SYNE2: variants seen among roughly 807,000 people sequenced by gnomAD.
The protein encoded by SYNE2 is spectrin repeat containing nuclear envelope protein 2.
SYNE2 carries 431 observed loss-of-function variants against 856.3 expected under a neutral mutation model. That is an observed-to-expected ratio of 0.50 (90% CI 0.47 to 0.55). The LOEUF (loss-of-function observed/expected upper bound fraction) is 0.55. SYNE2 is among the 20% of genes least tolerant of loss of function. The pLI is 0.00. For synonymous variants in SYNE2, 2,923 were observed against 2,872.3 expected, an observed-to-expected ratio of 1.02 and a Z score of -0.56; for missense variants, 8,129 against 8,023.2, an observed-to-expected ratio of 1.01 and a Z score of -0.50.
chr14:63,993,092 C>T (rs2096682134), intron 21 of SYNE2, among the ~76,000 whole-genome samples: 1 of 152,208 alleles, frequency 6.6e-6, no homozygotes, highest in Non-Finnish European at 1.5e-5. Flanking sequence ...CCTGTCAGGG[C>T]TGTTCCCATT....
chr14:64,033,309 G>T (rs1229975891), intron 45 of SYNE2, among the ~76,000 whole-genome samples: 1 of 152,190 alleles, frequency 6.6e-6, no homozygotes, highest in African/African-American at 2.4e-5. Context: ...TAACTTCCCA[G>T]ATCCATTTTG....
chr14:63,762,251 T>G (rs140467235), intron 1 of SYNE2: 4 of 202,086 alleles, frequency 2.0e-5, no homozygotes, highest in East Asian at 2.8e-4. Flanking sequence ...TTGACCAACA[T>G]GGAGAAACCC....
At position 64,094,870 on chromosome 14, in the gene SYNE2, A is replaced by C. The variant is rs140451585; in HGVS notation, c.12108+1390A>C. On this transcript the variant is annotated intron_variant, in intron 61 of 115. Transcript: ENST00000555002. ...AATAAACCCACTACATATTAATAGG[A>C]ATAACTATTTTTATTTTCTTTTTTT... 5.9e-5 allele frequency among the ~76,000 whole-genome samples: 9 copies of C among 152,320 alleles called. 1 individual carries two copies. Among genetic ancestry groups the C allele is most frequent in the Admixed American group, 5.9e-4 (9 of 15,304 alleles).
intron 106 of SYNE2, 145 bp from the exon 107 acceptor site, chr14:64,215,140 AT>A (rs2098660045): frequency 1.2e-6 from 1 of 800,364 alleles, no homozygotes; most frequent in African/African-American, 1.7e-5. Context: ...GGAAAAAAAA[AT>A]CTTTCTGGTT....
intron 76 of SYNE2, among the ~76,000 whole-genome samples, chr14:64,130,833 T>G (rs1232449928): frequency 2.0e-5 from 3 of 148,258 alleles, no homozygotes; most frequent in African/African-American, 7.5e-5. Context: ...TGCAGTAAGC[T>G]GAGATCACGC....
chr14:64,048,018 G>T lies in SYNE2; in HGVS notation c.7240G>T (p.Ala2414Ser), dbSNP rs2097198649. Residue 2414 changes from alanine to serine, a missense_variant, in exon 46 of 116, where the codon GCT becomes TCT. Coordinates refer to ENST00000555002, the MANE Select transcript of SYNE2 (RefSeq NM_182914.3). Reference protein sequence around the residue: ...EINKDSAVEMAMSKQLSLNAQ... With the variant: ...EINKDSAVEMSMSKQLSLNAQ... ...ATTTCAGGATTCAGCTGTGGAAATG[G>T]CTATGTCAAAACAACTTTCTCTTAA... 1 of 1,613,588 alleles carries T rather than the reference G, an allele frequency of 6.2e-7. No individual in the cohort carries two copies. The highest frequency in any genetic ancestry group is 1.3e-5 in the African/African-American group (1 of 74,892).
At chr14:64,088,387 A>G (rs1595436006) in intron 58 of SYNE2, among the ~76,000 whole-genome samples, 2 of 152,212 alleles carry the variant, frequency 1.3e-5, no homozygotes, top group East Asian at 3.8e-4. Flanking sequence ...ATCCCGATAA[A>G]ATAAGCTCAG....
chr14:63,989,544 G>A lies in SYNE2; in HGVS notation c.2314-867G>A, dbSNP rs564444908. ...GTAGAGGCTGGGTTTCACCATGTTG[G>A]CCAGGCTGACCTCAAACTCCTGACC... On this transcript the variant is annotated intron_variant, in intron 19 of 115. Coordinates refer to ENST00000555002, the MANE Select transcript of SYNE2 (RefSeq NM_182914.3). Among the ~76,000 whole-genome samples the A allele has an allele frequency of 3.3e-5, 5 of 152,198 alleles. No individual in the cohort carries two copies. The South Asian group carries it at 1.0e-3, about 32-fold the overall frequency.
At chr14:63,951,139 A>G (rs949002533) in intron 7 of SYNE2, among the ~76,000 whole-genome samples, 2 of 152,130 alleles carry the variant, frequency 1.3e-5, no homozygotes, top group African/African-American at 4.8e-5. Flanking sequence ...TCTCTCTACT[A>G]GAACAGCTGT....
At position 64,048,890 on chromosome 14, in the gene SYNE2, T is replaced by G. The variant is rs146737767; in HGVS notation, c.7378-721T>G. The stretch of plus-strand genomic sequence containing the variant: ...TGGCACTGCATTCCAGCCTAGATGA[T>G]GGAGCGAGATCCTGTCTCTAAAAAA... On this transcript the variant is annotated intron_variant, in intron 46 of 115. Coordinates refer to ENST00000555002, the MANE Select transcript of SYNE2 (RefSeq NM_182914.3). 17 of 137,708 alleles carry G rather than the reference T, an allele frequency of 1.2e-4. No homozygotes were observed. The East Asian group carries it at 3.3e-3, about 27-fold the overall frequency. 8.5% of individuals were successfully genotyped at this position (137,708 alleles called of 1,614,324 possible).
At chr14:64,161,439 A>G (rs1177752331) in intron 87 of SYNE2, among the ~76,000 whole-genome samples, 1 of 152,280 alleles carries the variant, frequency 6.6e-6, no homozygotes, top group African/African-American at 2.4e-5. Flanking sequence ...TATGTAAGGA[A>G]CATTTGTGTA....
At chr14:64,134,257 A>G in intron 78 of SYNE2, 57 bp downstream of exon 78, 1 of 1,585,784 alleles carries the variant, frequency 6.3e-7, no homozygotes, top group East Asian at 2.2e-5. Flanking sequence ...TGTGTTTTAC[A>G]TTTGTTTTGA....
chr14:63,953,517 G>T (rs757767581), intron 7 of SYNE2, among the ~76,000 whole-genome samples: 1 of 123,880 alleles, frequency 8.1e-6, no homozygotes, highest in Non-Finnish European at 1.7e-5. Context: ...GATGTTGATT[G>T]ATAAATAGAT....
At chr14:63,917,894 C>T (rs1054939778) in intron 2 of SYNE2, among the ~76,000 whole-genome samples, 2 of 150,524 alleles carry the variant, frequency 1.3e-5, no homozygotes, top group Non-Finnish European at 3.0e-5. Context: ...ACAGTTTTGG[C>T]TTCTGGGAAC....
At chr14:64,023,856 T>A (rs1268840546) in intron 38 of SYNE2, 4 of 223,424 alleles carry the variant, frequency 1.8e-5, no homozygotes, top group Non-Finnish European at 3.6e-5. Flanking sequence ...TGTTTGCTTG[T>A]TTGCCTTTAA....
rs2097889335 is a variant in SYNE2, at chr14:64,120,419, A to ATCACT, written c.13024-503_13024-499dup. On this transcript the variant is annotated intron_variant, in intron 67 of 115. Transcript: ENST00000555002. ...TGAATTAGCTTGAAGAAGTAAGATG[A>ATCACT]TCACTTCACCAAATGTAGTAGTTTT... is the stretch of plus-strand genomic sequence containing the variant. Among the ~76,000 whole-genome samples the ATCACT allele has an allele frequency of 2.0e-5, 3 of 152,350 alleles. No homozygotes were observed. The South Asian group carries it at 6.2e-4, about 32-fold the overall frequency.
chr14:63,955,963 C>T (rs2096237054), intron 8 of SYNE2, among the ~76,000 whole-genome samples: 1 of 152,154 alleles, frequency 6.6e-6, no homozygotes, highest in South Asian at 2.1e-4. Context: ...ATATGTTCTT[C>T]AATGACATGA....
rs746886408 is a variant in SYNE2, at chr14:64,126,370, T to C, written c.13598T>C (p.Leu4533Ser). 15 of 1,613,980 alleles carry C rather than the reference T, an allele frequency of 9.3e-6. No individual in the cohort carries two copies. Among genetic ancestry groups the C allele is most frequent in the Non-Finnish European group, 1.3e-5 (15 of 1,179,980 alleles). Residue 4533 changes from leucine to serine, a missense_variant, in exon 72 of 116, where the codon TTG becomes TCG. Leu to Ser is a moderately radical substitution (Grantham distance 145). Around this residue, in one of 3 missense-constraint regions of SYNE2, gnomAD observed 5,410 missense variants for 5,284.8 expected, o/e 1.02. Coordinates refer to ENST00000555002, the MANE Select transcript of SYNE2 (RefSeq NM_182914.3). ...GCATATATCAATTTGGATAAAAAAT[T>C]GTTTGAACTATTCCTGACCCTCAGT... ...EEAYINLDKK[L>S]FELFLTLSQC...
chr14:63,779,995 A>G (rs1279271115), intron 1 of SYNE2, among the ~76,000 whole-genome samples: 2 of 152,254 alleles, frequency 1.3e-5, no homozygotes, highest in Non-Finnish European at 2.9e-5. Context: ...TATCATGATC[A>G]TTAATTTTGG....
Sources: allele counts gnomAD v4.1 joint callset (sites outside exome capture counted in the v4.1 genomes callset), GRCh38; gene constraint gnomAD v4.1.1; regional missense constraint gnomAD v4.1.1; transcripts MANE v1.5; gene names NCBI Gene and HGNC (gene_info 2026-07-23, HGNC 2026-07-21).